The following JARID2 variants were observed in gnomAD, a reference collection of about 807,000 sequenced individuals.
JARID2 encodes the protein protein Jumonji.
In JARID2, 21 loss-of-function variants were observed where a neutral mutation model predicts 125.6. That is an observed-to-expected ratio of 0.17 (90% CI 0.12 to 0.24). The LOEUF (loss-of-function observed/expected upper bound fraction) is 0.24, where lower values mean the gene tolerates loss of function less well. Ranked by LOEUF, JARID2 falls within the 10% of genes least tolerant of loss-of-function variation. JARID2 has a pLI of 1.00. For synonymous variants in JARID2, 736 were observed against 661.6 expected, an observed-to-expected ratio of 1.11 and a Z score of -1.73; for missense variants, 1,303 against 1,639.6, an observed-to-expected ratio of 0.79 and a Z score of 3.55.
rs137945205 is a variant in JARID2 at position 15,501,265 on chromosome 6, C to T, written c.2304C>T (p.Asn768=). ...TCATCCACGGCGTGGCCCCCAGGAACGGCTTCCGCAGCAAGCTCAAGGAGG... is the reference window on the plus strand; with the variant it reads ...TCATCCACGGCGTGGCCCCCAGGAATGGCTTCCGCAGCAAGCTCAAGGAGG... ...NGLIHGVAPR[N]GFRSKLKEVG... is the part of the protein sequence containing the mutation. Residue 768 remains asparagine, a synonymous_variant, in exon 8 of 18, where the codon AAC becomes AAT. Coordinates refer to ENST00000341776, the MANE Select transcript of JARID2 (RefSeq NM_004973.4). The T allele has an allele frequency of 4.3e-5, 69 of 1,613,594 alleles. No homozygotes were observed. In the African/African-American group the frequency reaches 5.2e-4, roughly 12 times the overall value.
chr6:15,464,695 A>G (rs1768625451), intron 4 of JARID2, among the ~76,000 whole-genome samples: 2 of 151,866 alleles, frequency 1.3e-5, no homozygotes, highest in African/African-American at 4.8e-5. Flanking sequence ...CCTTTCCTAC[A>G]CTTTCCCTTT....
intron 5 of JARID2, among the ~76,000 whole-genome samples, chr6:15,486,440 G>A (rs1190974994): frequency 1.3e-5 from 2 of 152,232 alleles, no homozygotes; most frequent in Non-Finnish European, 2.9e-5. Context: ...GGTGGATGGG[G>A]TGGGCTTGGG....
intron 6 of JARID2, among the ~76,000 whole-genome samples, chr6:15,489,166 C>T (rs577821177): frequency 6.6e-6 from 1 of 152,314 alleles, no homozygotes; most frequent in African/African-American, 2.4e-5. Context: ...TCTCCTTTCC[C>T]AGAATCCTAG....
In JARID2 at chr6:15,374,248, G is replaced by T. The variant is rs149467635; in HGVS notation, c.177G>T (p.Val59=). 26 of 1,613,784 alleles carry T rather than the reference G, an allele frequency of 1.6e-5. No individual in the cohort carries two copies. The African/African-American group carries it at 3.2e-4, about 20-fold the overall frequency. Residue 59 remains valine, a synonymous_variant, in exon 2 of 18, where the codon GTG becomes GTT. Transcript: ENST00000341776. ...AEGIAGSLKT[V]NGLLGNDQSK... is the part of the protein sequence containing the mutation. ...GCATTGCTGGGAGCCTGAAAACTGT[G>T]AATGGTGAGTTGACTCTTGGAATAT...
At chr6:15,399,518 T>C (rs1423047980) in intron 2 of JARID2, among the ~76,000 whole-genome samples, 2 of 152,176 alleles carry the variant, frequency 1.3e-5, no homozygotes, top group Admixed American at 1.3e-4. Flanking sequence ...TTTATGTACA[T>C]GTATATATAT....
intron 1 of JARID2, among the ~76,000 whole-genome samples, chr6:15,309,361 A>G (rs2127424253): frequency 6.6e-6 from 1 of 152,072 alleles, no homozygotes; most frequent in East Asian, 1.9e-4. Flanking sequence ...CATTATAAGT[A>G]GTGTGATATT....
At chr6:15,493,984 T>A (rs1230668549) in intron 6 of JARID2, among the ~76,000 whole-genome samples, 2 of 152,160 alleles carry the variant, frequency 1.3e-5, no homozygotes, top group Non-Finnish European at 2.9e-5. Flanking sequence ...CCACTTTTTT[T>A]ATGGGTGACT....
intron 7 of JARID2, among the ~76,000 whole-genome samples, chr6:15,497,817 A>G (rs1440008263): frequency 6.6e-6 from 1 of 152,096 alleles, no homozygotes; most frequent in Non-Finnish European, 1.5e-5. Context: ...ACACTGGATT[A>G]TAGAGGCTGG....
chr6:15,293,720 T>C (rs1761308274), intron 1 of JARID2, among the ~76,000 whole-genome samples: 1 of 152,242 alleles, frequency 6.6e-6, no homozygotes, highest in Admixed American at 6.5e-5. Flanking sequence ...CCTCACAGCC[T>C]GTGCCGGATT....
chr6:15,508,036 G>T (rs1418532906), intron 11 of JARID2, among the ~76,000 whole-genome samples: 1 of 152,246 alleles, frequency 6.6e-6, no homozygotes, highest in Non-Finnish European at 1.5e-5. Flanking sequence ...CAGCCTTGAG[G>T]CTTGGGGGCT....
At chr6:15,311,572 C>T (rs1457986679) in intron 1 of JARID2, among the ~76,000 whole-genome samples, 1 of 152,158 alleles carries the variant, frequency 6.6e-6, no homozygotes, top group East Asian at 1.9e-4. Context: ...GAGCGAAACT[C>T]CGTCTCAAGA....
intron 4 of JARID2, among the ~76,000 whole-genome samples, chr6:15,460,369 C>T (rs1023236263): frequency 6.6e-6 from 1 of 152,148 alleles, no homozygotes; most frequent in East Asian, 1.9e-4. Flanking sequence ...CTTTTTGCTG[C>T]CAGTGAGTAC....
chr6:15,494,435 A>T (rs1375905537), intron 6 of JARID2, among the ~76,000 whole-genome samples: 26 of 6,870 alleles, frequency 3.8e-3, no homozygotes, highest in African/African-American at 0.013. Flanking sequence ...TTTTTTTTTG[A>T]GACAAGAGTC....
intron 1 of JARID2, among the ~76,000 whole-genome samples, chr6:15,366,819 A>AG (rs1415931681): frequency 6.6e-6 from 1 of 152,058 alleles, no homozygotes; most frequent in Non-Finnish European, 1.5e-5. Flanking sequence ...CTTTATCACC[A>AG]GGTTGTTATT....
intron 3 of JARID2, among the ~76,000 whole-genome samples, chr6:15,449,499 G>A (rs1432502415): frequency 6.6e-6 from 1 of 151,286 alleles, no homozygotes; most frequent in African/African-American, 2.4e-5. Flanking sequence ...AAAAAACCCA[G>A]CAACAGCAAC....
At chr6:15,453,027 C>T (rs1439698012) in intron 4 of JARID2, among the ~76,000 whole-genome samples, 1 of 152,174 alleles carries the variant, frequency 6.6e-6, no homozygotes, top group Non-Finnish European at 1.5e-5. Flanking sequence ...TTATTACAGA[C>T]AGATTTTAAG....
intron 4 of JARID2, among the ~76,000 whole-genome samples, chr6:15,464,887 T>G (rs1334652081): frequency 1.3e-5 from 2 of 152,188 alleles, no homozygotes; most frequent in Non-Finnish European, 2.9e-5. Context: ...TGTGTCCCCA[T>G]ATGTAGAAGA....
chr6:15,458,091 G>C (rs1018434935), intron 4 of JARID2, among the ~76,000 whole-genome samples: 1 of 152,200 alleles, frequency 6.6e-6, no homozygotes, highest in Admixed American at 6.5e-5. Context: ...CACACGCGGG[G>C]AAGAGGGTTT....
At chr6:15,490,506 C>T (rs1010761018) in intron 6 of JARID2, among the ~76,000 whole-genome samples, 2 of 152,154 alleles carry the variant, frequency 1.3e-5, no homozygotes, top group African/African-American at 2.4e-5. Flanking sequence ...CACACCAGTG[C>T]GTACTTCACC....
Sources: allele counts gnomAD v4.1 joint callset (sites outside exome capture counted in the v4.1 genomes callset), GRCh38; gene constraint gnomAD v4.1.1; transcripts MANE v1.5; gene names NCBI Gene and HGNC (gene_info 2026-07-23, HGNC 2026-07-21).